Variants in ZSWIM5 observed in about 807,000 individuals in gnomAD.
The protein encoded by ZSWIM5 is zinc finger SWIM-type containing 5.
ZSWIM5 carries 55 observed loss-of-function variants against 119.6 expected under a neutral mutation model. The ratio of observed to expected loss-of-function variants is 0.46; its 90% CI spans 0.37 to 0.58. ZSWIM5 has a LOEUF of 0.58. Ranked by LOEUF, ZSWIM5 falls within the 20% of genes least tolerant of loss-of-function variation. The pLI is 0.00. For missense variants in ZSWIM5, 1,193 were observed against 1,512.8 expected (o/e 0.79, Z 3.51); for synonymous variants, 537 against 606.9 (o/e 0.88, Z 1.69).
At chr1:45,047,449 A>T (rs1645062714) in intron 5 of ZSWIM5, among the ~76,000 whole-genome samples, 1 of 152,182 alleles carries the variant, frequency 6.6e-6, no homozygotes, top group African/African-American at 2.4e-5. Flanking sequence ...TCCTAACTCT[A>T]CCACCCATTT....
chr1:45,021,184 C>T (rs998489941), intron 11 of ZSWIM5, among the ~76,000 whole-genome samples: 3 of 152,106 alleles, frequency 2.0e-5, no homozygotes, highest in Non-Finnish European at 4.4e-5. Flanking sequence ...TACGGGCGCC[C>T]GCCACCACGC....
intron 1 of ZSWIM5, among the ~76,000 whole-genome samples, chr1:45,193,953 T>C (rs1289393433): frequency 6.6e-6 from 1 of 151,794 alleles, no homozygotes; most frequent in Non-Finnish European, 1.5e-5. Context: ...TATATATATA[T>C]ATACATACAT....
At position 45,034,449 on chromosome 1, in the gene ZSWIM5, G is replaced by T; in HGVS notation, c.2312C>A (p.Ser771Ter). The T allele has an allele frequency of 4.4e-6, 7 of 1,608,916 alleles. No homozygotes were observed. Among genetic ancestry groups the T allele is most frequent in the Non-Finnish European group, 5.9e-6 (7 of 1,177,494 alleles). The stretch of plus-strand genomic sequence containing the variant: ...GTGGGATGTGTCGCCTGCAGAAGCT[G>T]AGTTTTCTAAAACAGGTAACCTGGA... ...RAMRLPVLEN[S>*]ASAGDTSHPH... The change falls in exon 11 of 14, where the codon TCA becomes TAA. Residue 771 changes from serine (S) to a stop codon, truncating the protein, a stop_gained. Transcript: ENST00000359600. LOFTEE classifies it high-confidence loss of function.
At chr1:45,081,545 G>C (rs1317789656) in intron 2 of ZSWIM5, among the ~76,000 whole-genome samples, 2 of 152,184 alleles carry the variant, frequency 1.3e-5, no homozygotes, top group Non-Finnish European at 2.9e-5. Flanking sequence ...GCTCCTAACC[G>C]CGAGTGATCC....
At chr1:45,163,540 A>C (rs1645878702) in intron 1 of ZSWIM5, among the ~76,000 whole-genome samples, 2 of 152,202 alleles carry the variant, frequency 1.3e-5, no homozygotes, top group African/African-American at 4.8e-5. Context: ...CTAAAGGAGG[A>C]TGTTCGAACC....
chr1:45,147,987 G>T (rs1026847529), intron 1 of ZSWIM5, among the ~76,000 whole-genome samples: 1 of 152,162 alleles, frequency 6.6e-6, no homozygotes, highest in Non-Finnish European at 1.5e-5. Context: ...AAGGTGAAGG[G>T]ATTGTAATCA....
chr1:45,167,988 G>A (rs1456836264), intron 1 of ZSWIM5, among the ~76,000 whole-genome samples: 2 of 152,076 alleles, frequency 1.3e-5, no homozygotes, highest in African/African-American at 2.4e-5. Context: ...ATACCCAAAG[G>A]ATTATAAATC....
intron 1 of ZSWIM5, among the ~76,000 whole-genome samples, chr1:45,204,864 AT>A (rs1570220115): frequency 6.6e-6 from 1 of 152,146 alleles, no homozygotes; most frequent in African/African-American, 2.4e-5. Flanking sequence ...AATGTTAATC[AT>A]TTTTTTATCC....
chr1:45,118,957 G>A (rs1437540810), intron 1 of ZSWIM5, among the ~76,000 whole-genome samples: 1 of 152,002 alleles, frequency 6.6e-6, no homozygotes, highest in Non-Finnish European at 1.5e-5. Context: ...TTCTTCCTAT[G>A]TTAGTACAAT....
At chr1:45,097,005 T>G (rs1645407316) in intron 1 of ZSWIM5, among the ~76,000 whole-genome samples, 1 of 152,182 alleles carries the variant, frequency 6.6e-6, no homozygotes, top group African/African-American at 2.4e-5. Flanking sequence ...CCTCACAGGC[T>G]CCTAACAACC....
rs1245219920 is a variant in ZSWIM5 at position 45,058,595 on chromosome 1, T to C, written c.1252+14A>G. The C allele has an allele frequency of 1.9e-6, 3 of 1,614,096 alleles. No individual in the cohort carries two copies. The highest frequency in any genetic ancestry group is 2.5e-6 in the Non-Finnish European group (3 of 1,179,968). ...TGGTAGAACAAAGCACTTCTCTGAA[T>C]GATGGGAACTTACCTAGCTCATCCC... On this transcript the variant is annotated intron_variant, in intron 4 of 13. Transcript: ENST00000359600.
chr1:45,069,426 C>CATA (rs1645208074), intron 2 of ZSWIM5, among the ~76,000 whole-genome samples: 1 of 103,576 alleles, frequency 9.7e-6, no homozygotes. Flanking sequence ...ACTCCGTCTC[C>CATA]AAAAAAAAAA....
chr1:45,068,592 T>C (rs1645200540), intron 2 of ZSWIM5, among the ~76,000 whole-genome samples: 1 of 152,152 alleles, frequency 6.6e-6, no homozygotes, highest in Non-Finnish European at 1.5e-5. Context: ...TCTTATCTTT[T>C]AGGTTTTACT....
Position 45,196,034 on chromosome 1 carries a change from G to GTTTTTTTTTTTT in ZSWIM5, c.595+9710_595+9721dup, listed in dbSNP as rs34236930. Among the ~76,000 whole-genome samples, 283 of 103,920 alleles carry GTTTTTTTTTTTT rather than the reference G, an allele frequency of 2.7e-3. 6 individuals carry two copies. The highest frequency in any genetic ancestry group is 7.3e-3 in the African/African-American group (206 of 28,178). The allele number at this position is 103,920 out of a possible 152,430, so 68.2% of individuals were successfully genotyped here. A position where few individuals can be genotyped will look rare whatever the true frequency, so the allele number is the denominator to read the frequency against. On this transcript the variant is annotated intron_variant, in intron 1 of 13. Coordinates refer to ENST00000359600, the MANE Select transcript of ZSWIM5 (RefSeq NM_020883.2). ...AGGTGAGCACCGTTACACCCAGCTAGTTTTTTTTTTTTTTTTTTTTTTTTA... is the reference window on the plus strand; with the variant it reads ...AGGTGAGCACCGTTACACCCAGCTAGTTTTTTTTTTTTTTTTTTTTTTTTTTTTTTTTTTTTA...
At chr1:45,168,557 CG>C (rs1645925012) in intron 1 of ZSWIM5, among the ~76,000 whole-genome samples, 2 of 149,120 alleles carry the variant, frequency 1.3e-5, no homozygotes, top group South Asian at 4.2e-4. Context: ...CCCAGCTACT[CG>C]GGAGGCTGAG....
At chr1:45,107,993 A>G (rs1420514771) in intron 1 of ZSWIM5, among the ~76,000 whole-genome samples, 1 of 152,066 alleles carries the variant, frequency 6.6e-6, no homozygotes, top group South Asian at 2.1e-4. Flanking sequence ...ATGGGATCTC[A>G]CTATATTGTC....
At chr1:45,040,275 A>G in intron 7 of ZSWIM5, 117 bp downstream of exon 7, 1 of 1,126,468 alleles carries the variant, frequency 8.9e-7, no homozygotes, top group Non-Finnish European at 1.2e-6. Context: ...AAAGTGAGGC[A>G]TTCCACACAG....
At chr1:45,069,050 G>A (rs1203247719) in intron 2 of ZSWIM5, among the ~76,000 whole-genome samples, 2 of 151,582 alleles carry the variant, frequency 1.3e-5, no homozygotes, top group Non-Finnish European at 2.9e-5. Context: ...GGGCTCATGC[G>A]ATCCTCCTGC....
intron 1 of ZSWIM5, among the ~76,000 whole-genome samples, chr1:45,176,882 T>C (rs1394045779): frequency 6.6e-6 from 1 of 152,006 alleles, no homozygotes; most frequent in Admixed American, 6.6e-5. Context: ...CCCCTTCATG[T>C]GGATACCCTC....
Sources: gnomAD v4.1 joint callset for allele counts (sites outside exome capture counted in the v4.1 genomes callset) on GRCh38, gnomAD v4.1.1 for gene constraint, MANE v1.5 for transcripts, NCBI Gene and HGNC (gene_info 2026-07-23, HGNC 2026-07-21) for gene names.